The following DRG2 variants were observed in gnomAD, a reference collection of about 807,000 sequenced individuals.
DRG2 encodes developmentally regulated GTP binding protein 2.
DRG2 carries 36 observed loss-of-function variants against 53.4 expected under a neutral mutation model. The observed-to-expected ratio is 0.67, with a 90% CI of 0.52 to 0.89. The LOEUF is 0.89. DRG2 is among the 40% of genes least tolerant of loss of function. DRG2 has a pLI of 0.00. For missense variants in DRG2, 342 were observed against 481.2 expected, an observed-to-expected ratio of 0.71 and a Z score of 2.71; for synonymous variants, 167 against 192.1, an observed-to-expected ratio of 0.87 and a Z score of 1.08.
rs1411387406 is a variant in DRG2, at chr17:18,101,599, A to G, written c.729+9A>G. The G allele has an allele frequency of 1.2e-6, 2 of 1,613,634 alleles. No individual in the cohort carries two copies. Among genetic ancestry groups the G allele is most frequent in the Non-Finnish European group, 8.5e-7 (1 of 1,179,652 alleles). ...ACATGCCCTGCCTGTATGTAAGTGC[A>G]GGAGGGGAGCCCTGGCCTGGCCACT... On this transcript the variant is annotated intron_variant, in intron 8 of 12. Coordinates refer to ENST00000225729, the MANE Select transcript of DRG2 (RefSeq NM_001388.5).
At chr17:18,095,934 A>C (rs533216437) in intron 2 of DRG2, 14 of 152,274 alleles carry the variant, frequency 9.2e-5, no homozygotes, top group Non-Finnish European at 1.9e-4. Context: ...ATGTCTCCTT[A>C]GGCTCTTCTA....
chr17:18,093,921 T>C lies in DRG2; in HGVS notation c.173T>C (p.Met58Thr). 1.2e-6 allele frequency: 2 copies of C among 1,614,224 alleles called. No individual in the cohort carries two copies. Among genetic ancestry groups the C allele is most frequent in the South Asian group, 1.1e-5 (1 of 91,084 alleles). ...ASSKGEGFDV[M>T]KSGDARVALI... ...TCCAAAGGAGAGGGCTTTGATGTCA[T>C]GAAGTCGGGTGATGCCCGTGTGGCG... The change falls in exon 2 of 13, where the codon ATG (methionine) becomes ACG (threonine). Residue 58 changes from methionine (M) to threonine (T), a missense_variant. Physicochemically the swap from Met to Thr is moderately conservative, Grantham distance 81. Coordinates refer to ENST00000225729, the MANE Select transcript of DRG2 (RefSeq NM_001388.5).
chr17:18,090,406 A>ATATATAT (rs1555532983), intron 1 of DRG2, among the ~76,000 whole-genome samples: 10 of 22,684 alleles, frequency 4.4e-4, no homozygotes, highest in Admixed American at 8.3e-4. Context: ...ATATATATAT[A>ATATATAT]TTTTTTTTTT....
At chr17:18,095,203 G>A (rs372562664) in intron 2 of DRG2, among the ~76,000 whole-genome samples, 1 of 151,210 alleles carries the variant, frequency 6.6e-6, no homozygotes, top group East Asian at 2.0e-4. Flanking sequence ...GTAGAGGTGG[G>A]GTTTCACCAC....
At chr17:18,089,020 G>A (rs529156358) in intron 1 of DRG2, among the ~76,000 whole-genome samples, 1 of 152,220 alleles carries the variant, frequency 6.6e-6, no homozygotes, top group Admixed American at 6.5e-5. Context: ...ATTCAGGCTT[G>A]TGGGAGCAGG....
chr17:18,089,733 G>A (rs1353770876), intron 1 of DRG2, among the ~76,000 whole-genome samples: 1 of 152,152 alleles, frequency 6.6e-6, no homozygotes, highest in African/African-American at 2.4e-5. Flanking sequence ...GAAGGAACCG[G>A]TCACGCAAAC....
At chr17:18,094,047 C>T in intron 2 of DRG2, 74 bp downstream of exon 2, 1 of 1,543,986 alleles carries the variant, frequency 6.5e-7, no homozygotes, top group Non-Finnish European at 8.8e-7. Context: ...CATCCAGGCT[C>T]CCCTCGCTGC....
Position 18,100,052 on chromosome 17 carries a change from G to A in DRG2, c.468-311G>A, listed in dbSNP as rs1597725244. ...AGAAGCATTGTTCATCCACATCCTGGCAGAGGGGTACACCAGGCCTGCCTC... is the reference window on the plus strand; with the variant it reads ...AGAAGCATTGTTCATCCACATCCTGACAGAGGGGTACACCAGGCCTGCCTC... On this transcript the variant is annotated intron_variant, in intron 5 of 12. Transcript: ENST00000225729. This position sits in a 1 kb window ranked among gnomAD's most constrained non-coding sequence, Gnocchi z 4.1. The A allele has an allele frequency of 1.7e-6, 1 of 575,826 alleles. No homozygotes were observed. 35.7% of individuals were successfully genotyped at this position (575,826 alleles called of 1,614,324 possible).
rs1012740005 is a variant in DRG2 at position 18,103,905 on chromosome 17, C to T, written c.895+16C>T. The T allele has an allele frequency of 2.5e-6, 4 of 1,612,518 alleles. No individual in the cohort carries two copies. Among genetic ancestry groups the T allele is most frequent in the South Asian group, 1.1e-5 (1 of 91,048 alleles). On this transcript the variant is annotated intron_variant, in intron 10 of 12. Coordinates refer to ENST00000225729, the MANE Select transcript of DRG2 (RefSeq NM_001388.5). The surrounding 1 kb of genome is among the most constrained non-coding windows in gnomAD (Gnocchi z 4.4). ...AAGAGAGGACGTGAGTTGCACTGCG[C>T]GTAGCTGAAAAACAGGCTGAGCTTC...
chr17:18,104,375 C>G (rs992052211), intron 10 of DRG2, among the ~76,000 whole-genome samples: 5 of 152,232 alleles, frequency 3.3e-5, no homozygotes, highest in African/African-American at 1.2e-4. Context: ...TCAGTGCTGT[C>G]ACAGCAGATG....
intron 11 of DRG2, 26 bp downstream of exon 11, chr17:18,104,707 A>G (rs766068793): frequency 6.2e-7 from 1 of 1,613,774 alleles, no homozygotes; most frequent in South Asian, 1.1e-5. Flanking sequence ...CTGCCGTGAC[A>G]AGGGGTGGGA....
intron 2 of DRG2, 44 bp downstream of exon 2, chr17:18,094,017 T>A (rs1250513810): frequency 6.3e-7 from 1 of 1,587,898 alleles, no homozygotes; most frequent in South Asian, 1.1e-5. Flanking sequence ...AAGCAAGAAG[T>A]CATCTTTCAA....
At position 18,104,833 on chromosome 17, in the gene DRG2, T is replaced by C. The variant is rs903638121; in HGVS notation, c.954+152T>C. ...GCTCTGGAGTTGGACAGCCTGGGGC[T>C]GCGTCTGCAGCACCCCTTCTTAGCC... On this transcript the variant is annotated intron_variant, in intron 11 of 12. Transcript: ENST00000225729. 2.2e-6 allele frequency: 3 copies of C among 1,334,276 alleles called. No individual in the cohort carries two copies. In the African/African-American group the frequency reaches 4.4e-5, roughly 19 times the overall value. The allele number at this position is 1,334,276 out of a possible 1,614,324, so 82.7% of individuals were successfully genotyped here. A position where few individuals can be genotyped will look rare whatever the true frequency, so the allele number is the denominator to read the frequency against.
At chr17:18,088,688 C>CAA (rs1435842006) in intron 1 of DRG2, among the ~76,000 whole-genome samples, 2 of 152,196 alleles carry the variant, frequency 1.3e-5, no homozygotes, top group Non-Finnish European at 2.9e-5. Flanking sequence ...ATGGCCTTTA[C>CAA]AAAGCACTGG....
At position 18,098,429 on chromosome 17, in the gene DRG2, C is replaced by A; in HGVS notation, c.315+70C>A. 1 of 1,413,510 alleles carries A rather than the reference C, an allele frequency of 7.1e-7. No homozygotes were observed. Among genetic ancestry groups the A allele is most frequent in the Non-Finnish European group, 1.0e-6 (1 of 1,000,670 alleles). The allele number at this position is 1,413,510 out of a possible 1,614,324, so 87.6% of individuals were successfully genotyped here. On this transcript the variant is annotated intron_variant, in intron 3 of 12. Coordinates refer to ENST00000225729, the MANE Select transcript of DRG2 (RefSeq NM_001388.5). This position sits in a 1 kb window ranked among gnomAD's most constrained non-coding sequence, Gnocchi z 4.1. ...GTGTTTGGACTTGTGCCTGTGCCCA[C>A]CCTGTGTGTGAGTCTGGGTGGATGT...
intron 2 of DRG2, chr17:18,094,231 G>A (rs931179849): frequency 6.5e-5 from 29 of 447,098 alleles, no homozygotes; most frequent in African/African-American, 3.2e-4. Context: ...TATCTCTAGC[G>A]GTGTCATGTG....
rs561954665 is a variant in DRG2 at position 18,101,398 on chromosome 17, G to A, written c.632-95G>A. On this transcript the variant is annotated intron_variant, in intron 7 of 12. Transcript: ENST00000225729. ...AGCAGATACCGCCACGGTCCCACAC[G>A]GCCAGCATATTTCCTGCTTGGCTTT... 4.5e-4 allele frequency: 517 copies of A among 1,153,728 alleles called. 1 individual carries two copies. In the African/African-American group the frequency reaches 6.3e-3, roughly 14 times the overall value. 71.5% of individuals were successfully genotyped at this position (1,153,728 alleles called of 1,614,324 possible). A position where few individuals can be genotyped will look rare whatever the true frequency, so the allele number is the denominator to read the frequency against.
rs950274079 is a variant in DRG2 at position 18,099,260 on chromosome 17, G to A, written c.376+183G>A. On this transcript the variant is annotated intron_variant, in intron 4 of 12. Coordinates refer to ENST00000225729, the MANE Select transcript of DRG2 (RefSeq NM_001388.5). This position sits in a 1 kb window ranked among gnomAD's most constrained non-coding sequence, Gnocchi z 4.4. ...GCCTTGTGATCTTGGGCAAGTGATT[G>A]GGTATCTCTAAGCCAAGCCTCAGTT... 6.9e-6 allele frequency: 5 copies of A among 722,414 alleles called. No homozygotes were observed. The highest frequency in any genetic ancestry group is 2.7e-5 in the East Asian group (1 of 36,808). 44.8% of individuals were successfully genotyped at this position (722,414 alleles called of 1,614,324 possible). A position where few individuals can be genotyped will look rare whatever the true frequency, so the allele number is the denominator to read the frequency against.
intron 1 of DRG2, among the ~76,000 whole-genome samples, chr17:18,090,715 TG>T: frequency 6.6e-6 from 1 of 150,496 alleles, no homozygotes; most frequent in African/African-American, 2.4e-5. Flanking sequence ...TTATGTTTTT[TG>T]TAGAGGCACG....
Sources: allele counts gnomAD v4.1 joint callset (sites outside exome capture counted in the v4.1 genomes callset), GRCh38; gene constraint gnomAD v4.1.1; non-coding constraint Gnocchi (gnomAD v3.1); transcripts MANE v1.5; gene names NCBI Gene and HGNC (gene_info 2026-07-23, HGNC 2026-07-21).